SPI1: variants seen among roughly 807,000 people sequenced by gnomAD.
SPI1 encodes transcription factor PU.1.
In SPI1, 3 loss-of-function variants were observed where a neutral mutation model predicts 30.7. The observed-to-expected ratio is 0.10, with a 90% CI of 0.04 to 0.25. The LOEUF is 0.25. Ranked by LOEUF, SPI1 falls within the 10% of genes least tolerant of loss-of-function variation. The pLI is 1.00. For missense variants in SPI1, 261 were observed against 371.5 expected (o/e 0.70, Z 2.45); for synonymous variants, 169 against 157.1 (o/e 1.08, Z -0.56).
At chr11:47,377,952 A>G (rs924364301) in intron 1 of SPI1, among the ~76,000 whole-genome samples, 1 of 152,028 alleles carries the variant, frequency 6.6e-6, no homozygotes, top group African/African-American at 2.4e-5. Flanking sequence ...GCCTCCCCCA[A>G]GCCAGTCCCC....
intron 4 of SPI1, among the ~76,000 whole-genome samples, chr11:47,356,985 C>G (rs2095911412): frequency 6.6e-6 from 1 of 151,514 alleles, no homozygotes; most frequent in Non-Finnish European, 1.5e-5. Context: ...CACACACATG[C>G]TCACCTATCC....
chr11:47,358,453 G>A, intron 4 of SPI1: 2 of 638,974 alleles, frequency 3.1e-6, no homozygotes, highest in Admixed American at 2.2e-5. Context: ...CACAAACATG[G>A]CCACACCCAC....
rs938247638 is a variant in SPI1 at position 47,359,117 on chromosome 11, G to C, written c.331-111C>G. The C allele has an allele frequency of 3.2e-6, 3 of 939,438 alleles. No homozygotes were observed. The highest frequency in any genetic ancestry group is 7.0e-5 in the Admixed American group (2 of 28,770). The allele number at this position is 939,438 out of a possible 1,614,324, so 58.2% of individuals were successfully genotyped here. On this transcript the variant is annotated intron_variant, in intron 3 of 4. Transcript: ENST00000378538. This position sits in a 1 kb window ranked among gnomAD's most constrained non-coding sequence, Gnocchi z 5.1. The stretch of plus-strand genomic sequence containing the variant: ...AGGAGTGCAGAGGGCAGGGGACAAT[G>C]GCAGGCACAGGAGACTGGAGGAAGA...
At chr11:47,364,933 T>C (rs1434422737) in intron 2 of SPI1, among the ~76,000 whole-genome samples, 1 of 151,972 alleles carries the variant, frequency 6.6e-6, no homozygotes, top group Non-Finnish European at 1.5e-5. Flanking sequence ...CCACCTGGGG[T>C]CTCCTGAAGG....
At position 47,355,212 on chromosome 11, in the gene SPI1, G is replaced by A; in HGVS notation, c.*15C>T. 7.5e-7 allele frequency: 1 copy of A among 1,340,972 alleles called. No individual in the cohort carries two copies. The highest frequency in any genetic ancestry group is 2.0e-4 in the Middle Eastern group (1 of 5,024). The allele number at this position is 1,340,972 out of a possible 1,614,324, so 83.1% of individuals were successfully genotyped here. A position where few individuals can be genotyped will look rare whatever the true frequency, so the allele number is the denominator to read the frequency against. On this transcript the variant is annotated 3_prime_UTR_variant, in exon 5 of 5. Transcript: ENST00000378538. Reference sequence around the variant, plus strand: ...CAGCGGGGAGGCCTGGCGGGGCCCGGCGGGGGCTGCGGGCTCAGTGGGGCG... The same window carrying A: ...CAGCGGGGAGGCCTGGCGGGGCCCGACGGGGGCTGCGGGCTCAGTGGGGCG...
At chr11:47,370,968 G>A (rs2095934890) in intron 2 of SPI1, among the ~76,000 whole-genome samples, 3 of 152,102 alleles carry the variant, frequency 2.0e-5, no homozygotes, top group Admixed American at 2.0e-4. Flanking sequence ...AAATCAAGCT[G>A]CCTGACACAT....
chr11:47,356,667 ACC>A (rs1248727298), intron 4 of SPI1, among the ~76,000 whole-genome samples: 4 of 150,490 alleles, frequency 2.7e-5, no homozygotes, highest in African/African-American at 9.8e-5. Flanking sequence ...TACACTGCTC[ACC>A]CTCACACCTT....
At position 47,375,501 on chromosome 11, in the gene SPI1, T is replaced by C; in HGVS notation, c.142+132A>G. The C allele has an allele frequency of 2.7e-6, 2 of 749,780 alleles. No individual in the cohort carries two copies. The highest frequency in any genetic ancestry group is 3.2e-5 in the South Asian group (2 of 61,610). The allele number at this position is 749,780 out of a possible 1,614,324, so 46.4% of individuals were successfully genotyped here. On this transcript the variant is annotated intron_variant, in intron 2 of 4. Coordinates refer to ENST00000378538, the MANE Select transcript of SPI1 (RefSeq NM_003120.3). The surrounding 1 kb of genome is among the most constrained non-coding windows in gnomAD (Gnocchi z 4.2). ...AGCGATGATGCTGCAGTTCACTGCC[T>C]TTGAGAGCAAACTTGATCTGATTCT...
chr11:47,358,440 A>G, intron 4 of SPI1: 1 of 634,626 alleles, frequency 1.6e-6, no homozygotes, highest in Non-Finnish European at 2.9e-6. Context: ...GTGTTGACAG[A>G]CACACAAACA....
chr11:47,355,951 C>T (rs1444559734), intron 4 of SPI1, among the ~76,000 whole-genome samples: 1 of 120,268 alleles, frequency 8.3e-6, no homozygotes, highest in African/African-American at 3.6e-5. Context: ...TGCTTAAACA[C>T]AATGCAACCA....
intron 2 of SPI1, among the ~76,000 whole-genome samples, chr11:47,369,574 A>C (rs1230200845): frequency 6.8e-6 from 1 of 146,492 alleles, no homozygotes; most frequent in East Asian, 2.0e-4. Flanking sequence ...AAAAAAAAAC[A>C]ACAAATGAAA....
Position 47,365,789 on chromosome 11 carries a change from T to G in SPI1, c.143-5749A>C, listed in dbSNP as rs1344040774. Among the ~76,000 whole-genome samples the G allele has an allele frequency of 2.0e-5, 3 of 152,116 alleles. No homozygotes were observed. In the East Asian group the frequency reaches 5.8e-4, roughly 29 times the overall value. On this transcript the variant is annotated intron_variant, in intron 2 of 4. Transcript: ENST00000378538. ...TCGGCTCACTGCAACCTCCGCCTCC[T>G]GGGTTCAAGTGATTCTTCTGCCTCA...
At chr11:47,363,250 G>C (rs1254823549) in intron 2 of SPI1, among the ~76,000 whole-genome samples, 1 of 152,240 alleles carries the variant, frequency 6.6e-6, no homozygotes, top group East Asian at 1.9e-4. Context: ...GCCAGGTGCA[G>C]TGGCTCACGC....
In SPI1 at chr11:47,359,119, C is replaced by A. The variant is rs1002360915; in HGVS notation, c.331-113G>T. 24 of 936,226 alleles carry A rather than the reference C, an allele frequency of 2.6e-5. No individual in the cohort carries two copies. The highest frequency in any genetic ancestry group is 3.5e-5 in the Admixed American group (1 of 28,224). The allele number at this position is 936,226 out of a possible 1,614,324, so 58.0% of individuals were successfully genotyped here. A position where few individuals can be genotyped will look rare whatever the true frequency, so the allele number is the denominator to read the frequency against. ...GAGTGCAGAGGGCAGGGGACAATGGCAGGCACAGGAGACTGGAGGAAGAAG... is the reference window on the plus strand; with the variant it reads ...GAGTGCAGAGGGCAGGGGACAATGGAAGGCACAGGAGACTGGAGGAAGAAG... On this transcript the variant is annotated intron_variant, in intron 3 of 4. Coordinates refer to ENST00000378538, the MANE Select transcript of SPI1 (RefSeq NM_003120.3). This position sits in a 1 kb window ranked among gnomAD's most constrained non-coding sequence, Gnocchi z 5.1.
At chr11:47,376,213 C>T (rs1286436818) in intron 1 of SPI1, among the ~76,000 whole-genome samples, 3 of 152,012 alleles carry the variant, frequency 2.0e-5, no homozygotes, top group African/African-American at 7.3e-5. Flanking sequence ...ACCCACCTCA[C>T]AGAGACATTG....
Position 47,378,251 on chromosome 11 carries a change from A to G in SPI1, c.45+58T>C, listed in dbSNP as rs2095944981. 3 of 1,555,324 alleles carry G rather than the reference A, an allele frequency of 1.9e-6. No individual in the cohort carries two copies. The South Asian group carries it at 3.4e-5, about 18-fold the overall frequency. ...TGGGTGGGCTGGCGGGTTCGTGGGC[A>G]GGCAGGCAGGCGTCCGAGGGCCACG... On this transcript the variant is annotated intron_variant, in intron 1 of 4. Coordinates refer to ENST00000378538, the MANE Select transcript of SPI1 (RefSeq NM_003120.3).
chr11:47,372,186 C>T (rs2095936856), intron 2 of SPI1, among the ~76,000 whole-genome samples: 1 of 151,644 alleles, frequency 6.6e-6, no homozygotes, highest in African/African-American at 2.4e-5. Context: ...CTCACTGCAA[C>T]CTCCGCCTCC....
At chr11:47,367,894 A>G (rs558153480) in intron 2 of SPI1, among the ~76,000 whole-genome samples, 1 of 150,924 alleles carries the variant, frequency 6.6e-6, no homozygotes, top group Non-Finnish European at 1.5e-5. Context: ...AGTAGCTGGG[A>G]CTACAGGCAC....
At chr11:47,358,687 CACAG>C (rs1285046116) in intron 4 of SPI1, 153 bp downstream of exon 4, 5 of 784,632 alleles carry the variant, frequency 6.4e-6, no homozygotes, top group Non-Finnish European at 1.1e-5. Context: ...CAGAGACAGC[CACAG>C]ACAGCCCCAC....
Sources: allele counts gnomAD v4.1 joint callset (sites outside exome capture counted in the v4.1 genomes callset), GRCh38; gene constraint gnomAD v4.1.1; non-coding constraint Gnocchi (gnomAD v3.1); transcripts MANE v1.5; gene names NCBI Gene and HGNC (gene_info 2026-07-23, HGNC 2026-07-21).